The following RBKS variants were observed in gnomAD, a reference collection of about 807,000 sequenced individuals.
The protein encoded by RBKS is ribokinase.
RBKS carries 33 observed loss-of-function variants against 33.9 expected under a neutral mutation model. The ratio of observed to expected loss-of-function variants is 0.97; its 90% CI spans 0.74 to 1.30. The LOEUF (loss-of-function observed/expected upper bound fraction) is 1.30, where lower values mean the gene tolerates loss of function less well. Ranked by LOEUF, RBKS falls within the 50% of genes most tolerant of loss-of-function variation. The pLI, the probability that RBKS is intolerant of heterozygous loss-of-function variation, is 0.00. For missense variants in RBKS, 361 were observed against 392.6 expected (o/e 0.92, Z 0.68); for synonymous variants, 125 against 143.0 (o/e 0.87, Z 0.90).
At chr2:27,796,113 A>G (rs1298576006) in intron 7 of RBKS, among the ~76,000 whole-genome samples, 1 of 152,190 alleles carries the variant, frequency 6.6e-6, no homozygotes, top group Non-Finnish European at 1.5e-5. Context: ...GCCCAGAGTT[A>G]CTTGACATTC....
chr2:27,868,282 G>T (rs1664137827), intron 1 of RBKS, among the ~76,000 whole-genome samples: 1 of 151,960 alleles, frequency 6.6e-6, no homozygotes, highest in Non-Finnish European at 1.5e-5. Context: ...ATATAATCAA[G>T]AACTCATTAT....
chr2:27,843,115 T>G lies in RBKS; in HGVS notation c.466A>C (p.Thr156Pro), dbSNP rs368392635. Residue 156 changes from threonine (T) to proline (P), a missense_variant, in exon 5 of 8, where the codon ACT becomes CCT. By Grantham distance (38) the Thr-to-Pro change is conservative. Coordinates refer to ENST00000302188, the MANE Select transcript of RBKS (RefSeq NM_022128.3). The stretch of plus-strand genomic sequence containing the variant: ...AGGGCTTCCAAAGAAGTTGCTGGAG[T>G]TATTTCGAGCTGGCAGACCATGACT... ...AKVMVCQLEI[T>P]PATSLEALTM... 2.2e-5 allele frequency: 35 copies of G among 1,610,428 alleles called. No individual in the cohort carries two copies. In the African/African-American group the frequency reaches 4.3e-4, roughly 20 times the overall value.
chr2:27,853,798 A>G (rs1341060402), intron 2 of RBKS, among the ~76,000 whole-genome samples: 1 of 152,228 alleles, frequency 6.6e-6, no homozygotes, highest in Admixed American at 6.5e-5. Context: ...TACAAGGTTT[A>G]TATTATTTGC....
intron 5 of RBKS, among the ~76,000 whole-genome samples, chr2:27,836,075 G>A (rs1019104518): frequency 1.3e-5 from 2 of 151,964 alleles, no homozygotes; most frequent in Non-Finnish European, 2.9e-5. Flanking sequence ...TTTGCCAGGC[G>A]TGGTGGCATG....
intron 7 of RBKS, among the ~76,000 whole-genome samples, chr2:27,818,242 T>G (rs969380535): frequency 6.6e-6 from 1 of 152,102 alleles, no homozygotes; most frequent in African/African-American, 2.4e-5. Flanking sequence ...GTTCTCAGGG[T>G]ATACGTGGAT....
chr2:27,853,202 CAAAAAATT>C (rs1376013411), intron 2 of RBKS, among the ~76,000 whole-genome samples: 6 of 151,644 alleles, frequency 4.0e-5, no homozygotes, highest in African/African-American at 1.5e-4. Flanking sequence ...CCCATCTCTA[CAAAAAATT>C]AAAAAATTAG....
chr2:27,847,900 G>A (rs545724061), intron 3 of RBKS, 134 bp downstream of exon 3: 2 of 641,174 alleles, frequency 3.1e-6, no homozygotes, highest in Non-Finnish European at 5.6e-6. Context: ...AGCAAGAATG[G>A]ACAAAGCTGT....
chr2:27,796,493 T>G (rs1677668295), intron 7 of RBKS, among the ~76,000 whole-genome samples: 1 of 152,202 alleles, frequency 6.6e-6, no homozygotes, highest in Non-Finnish European at 1.5e-5. Flanking sequence ...AGAGCTGCTC[T>G]TATAGAGTGG....
chr2:27,845,630 G>A (rs577776806), intron 4 of RBKS, among the ~76,000 whole-genome samples: 1 of 152,278 alleles, frequency 6.6e-6, no homozygotes, highest in Admixed American at 6.5e-5. Flanking sequence ...ATGAACACAG[G>A]CTTTCTATAG....
Position 27,890,198 on chromosome 2 carries a change from T to G in RBKS, c.89+59A>C, listed in dbSNP as rs1474382115. On this transcript the variant is annotated intron_variant, in intron 1 of 7. Coordinates refer to ENST00000302188, the MANE Select transcript of RBKS (RefSeq NM_022128.3). The surrounding 1 kb of genome is among the most constrained non-coding windows in gnomAD (Gnocchi z 4.8). Reference sequence around the variant, plus strand: ...GCGCCCAAAAGCTCCACTGGGCGCATAGCGCACGGCACGCCTCCTCCCCCG... The same window carrying G: ...GCGCCCAAAAGCTCCACTGGGCGCAGAGCGCACGGCACGCCTCCTCCCCCG... The G allele has an allele frequency of 1.9e-6, 3 of 1,538,702 alleles. No individual in the cohort carries two copies. The highest frequency in any genetic ancestry group is 1.4e-5 in the African/African-American group (1 of 73,638).
At position 27,837,980 on chromosome 2, in the gene RBKS, A is replaced by G. The variant is rs1678559808; in HGVS notation, c.514+5087T>C. ...TTTGGGAGGTTGAGGCAGGTGGATC[A>G]CCTGAGGTAAGAAGTTCAAGACAAG... On this transcript the variant is annotated intron_variant, in intron 5 of 7. Transcript: ENST00000302188. This position sits in a 1 kb window ranked among gnomAD's most constrained non-coding sequence, Gnocchi z 4.0. Among the ~76,000 whole-genome samples, 2 of 152,166 alleles carry G rather than the reference A, an allele frequency of 1.3e-5. No homozygotes were observed. The highest frequency in any genetic ancestry group is 4.8e-5 in the African/African-American group (2 of 41,444).
intron 1 of RBKS, among the ~76,000 whole-genome samples, chr2:27,877,352 TTTTTTA>T (rs1664333555): frequency 6.6e-6 from 1 of 152,160 alleles, no homozygotes; most frequent in Non-Finnish European, 1.5e-5. Context: ...TTTAACATTC[TTTTTTA>T]TGTTTATATC....
At chr2:27,799,406 G>A (rs971427165) in intron 7 of RBKS, among the ~76,000 whole-genome samples, 2 of 152,112 alleles carry the variant, frequency 1.3e-5, no homozygotes, top group African/African-American at 2.4e-5. Context: ...CAGTTACAGC[G>A]CGTGCATTCC....
intron 7 of RBKS, among the ~76,000 whole-genome samples, chr2:27,793,813 T>C (rs1210134224): frequency 2.6e-5 from 4 of 152,088 alleles, no homozygotes; most frequent in African/African-American, 9.7e-5. Context: ...TATCCTGAAG[T>C]ATTAAGAGGT....
chr2:27,874,315 C>T (rs1664272099), intron 1 of RBKS, among the ~76,000 whole-genome samples: 1 of 152,196 alleles, frequency 6.6e-6, no homozygotes, highest in Admixed American at 6.5e-5. Flanking sequence ...TACTACATTC[C>T]AGACTCTGTG....
At chr2:27,862,138 C>T (rs1033758988) in intron 1 of RBKS, among the ~76,000 whole-genome samples, 2 of 151,460 alleles carry the variant, frequency 1.3e-5, no homozygotes, top group African/African-American at 2.4e-5. Flanking sequence ...TTTATAGAGA[C>T]GGGGTTTTGC....
intron 5 of RBKS, among the ~76,000 whole-genome samples, chr2:27,835,584 ATTTTTTTT>A (rs34787188): frequency 1.6e-5 from 2 of 125,588 alleles, no homozygotes; most frequent in African/African-American, 3.0e-5. Context: ...TGCTTGGGCA[ATTTTTTTT>A]TTTTTTTTTT....
chr2:27,791,561 C>T (rs1029394918), intron 7 of RBKS, among the ~76,000 whole-genome samples: 2 of 151,286 alleles, frequency 1.3e-5, no homozygotes, highest in Admixed American at 6.6e-5. Flanking sequence ...TCTTGCAGAT[C>T]GTGGGCCTTC....
chr2:27,788,476 C>A (rs959313971), intron 7 of RBKS, among the ~76,000 whole-genome samples: 1 of 152,072 alleles, frequency 6.6e-6, no homozygotes, highest in African/African-American at 2.4e-5. Flanking sequence ...GAGGCCGAGA[C>A]GGGTGGATAA....
Sources: gnomAD v4.1 joint callset for allele counts (sites outside exome capture counted in the v4.1 genomes callset) on GRCh38, gnomAD v4.1.1 for gene constraint, Gnocchi (gnomAD v3.1) non-coding constraint, MANE v1.5 for transcripts, NCBI Gene and HGNC (gene_info 2026-07-23, HGNC 2026-07-21) for gene names.